Variants in CREB1 observed in about 807,000 individuals in gnomAD.
The protein encoded by CREB1 is cAMP responsive element binding protein 1, also known as cyclic AMP-responsive element-binding protein 1.
Under a neutral mutation model 42.0 loss-of-function variants are expected in CREB1, and 2 were observed. The ratio of observed to expected loss-of-function variants is 0.05; its 90% CI spans 0.02 to 0.15. The LOEUF is 0.15. CREB1 is among the 10% of genes least tolerant of loss of function. The pLI is 1.00. For missense variants in CREB1, 199 were observed against 388.9 expected (o/e 0.51, Z 4.11); for synonymous variants, 123 against 139.9 (o/e 0.88, Z 0.85).
chr2:207,575,143 C>G (rs1273067497), intron 5 of CREB1, 129 bp from the exon 6 acceptor site: 3 of 897,402 alleles, frequency 3.3e-6, no homozygotes, highest in Admixed American at 2.4e-5. Context: ...ATATATTAGA[C>G]CCTTCTTGGT....
chr2:207,530,798 T>G (rs2080582589), intron 1 of CREB1, among the ~76,000 whole-genome samples: 1 of 149,882 alleles, frequency 6.7e-6, no homozygotes. Context: ...TCTCCACTCT[T>G]TGTGCAATAA....
intron 3 of CREB1, among the ~76,000 whole-genome samples, chr2:207,565,579 A>G (rs925347733): frequency 5.9e-5 from 9 of 152,074 alleles, no homozygotes; most frequent in African/African-American, 7.2e-5. Flanking sequence ...TTTCATTTCA[A>G]AACTATCCTG....
chr2:207,532,470 C>T (rs551148927), intron 1 of CREB1, among the ~76,000 whole-genome samples: 12 of 152,038 alleles, frequency 7.9e-5, no homozygotes, highest in South Asian at 2.1e-4. Flanking sequence ...GTCAAGAGAT[C>T]GAGACCATCC....
intron 1 of CREB1, among the ~76,000 whole-genome samples, chr2:207,544,900 C>G (rs1316061733): frequency 2.0e-5 from 3 of 152,176 alleles, no homozygotes; most frequent in African/African-American, 7.2e-5. Flanking sequence ...AGGACATGAT[C>G]TTGTTCTTTA....
chr2:207,594,360 C>T (rs771215500), intron 7 of CREB1, among the ~76,000 whole-genome samples: 10 of 152,086 alleles, frequency 6.6e-5, no homozygotes, highest in Non-Finnish European at 1.2e-4. Context: ...ACTCTGTACC[C>T]GGTAAACAAC....
chr2:207,549,726 G>A (rs958738161), intron 1 of CREB1, among the ~76,000 whole-genome samples: 2 of 152,124 alleles, frequency 1.3e-5, no homozygotes, highest in East Asian at 1.9e-4. Context: ...GCTCACACCT[G>A]TAGTCCCAAC....
At chr2:207,536,998 A>C (rs1166568797) in intron 1 of CREB1, among the ~76,000 whole-genome samples, 1 of 152,084 alleles carries the variant, frequency 6.6e-6, no homozygotes, top group East Asian at 1.9e-4. Context: ...TCATAAATAA[A>C]ATATTACTGT....
At chr2:207,548,642 T>C (rs1164448007) in intron 1 of CREB1, among the ~76,000 whole-genome samples, 1 of 151,968 alleles carries the variant, frequency 6.6e-6, no homozygotes, top group East Asian at 1.9e-4. Flanking sequence ...TCCCAGCTAC[T>C]TGAGAGGCTG....
intron 3 of CREB1, among the ~76,000 whole-genome samples, chr2:207,562,708 T>G (rs189608038): frequency 1.3e-5 from 2 of 152,214 alleles, no homozygotes; most frequent in Non-Finnish European, 2.9e-5. Context: ...TGGTGATTAG[T>G]GTTAACAACT....
chr2:207,561,863 G>T (rs559285950), intron 3 of CREB1, among the ~76,000 whole-genome samples: 2 of 152,046 alleles, frequency 1.3e-5, no homozygotes, highest in Non-Finnish European at 2.9e-5. Context: ...TTGAGTCATC[G>T]AACTTCTATT....
Position 207,599,154 on chromosome 2 carries a change from G to C in CREB1, c.*2096G>C, listed in dbSNP as rs188764041. On this transcript the variant is annotated 3_prime_UTR_variant, in exon 8 of 8. Coordinates refer to ENST00000353267, the MANE Select transcript of CREB1 (RefSeq NM_004379.5). ...GTCTTTATGTTTGGACAGTTCACCA[G>C]ATTCTCAAGAAGGCTTTCAAACAAC... 75 of 196,250 alleles carry C rather than the reference G, an allele frequency of 3.8e-4. 2 individuals carry two copies. The Admixed American group carries it at 4.5e-3, about 12-fold the overall frequency. The allele number at this position is 196,250 out of a possible 1,614,324, so 12.2% of individuals were successfully genotyped here. A position where few individuals can be genotyped will look rare whatever the true frequency, so the allele number is the denominator to read the frequency against.
At chr2:207,552,537 G>A (rs1325678388) in intron 1 of CREB1, among the ~76,000 whole-genome samples, 3 of 150,514 alleles carry the variant, frequency 2.0e-5, no homozygotes, top group South Asian at 2.1e-4. Flanking sequence ...TGATACATTT[G>A]TATTTATCTT....
intron 1 of CREB1, among the ~76,000 whole-genome samples, chr2:207,536,151 A>G (rs181909508): frequency 3.1e-4 from 47 of 152,324 alleles, no homozygotes; most frequent in Admixed American, 2.5e-3. Context: ...GTTTGTATTT[A>G]TCTTTAAAAT....
chr2:207,530,765 C>T (rs1452327448), intron 1 of CREB1, among the ~76,000 whole-genome samples: 1 of 151,868 alleles, frequency 6.6e-6, no homozygotes, highest in Non-Finnish European at 1.5e-5. Flanking sequence ...AGGGGAAGAG[C>T]TGCAACGTCT....
At chr2:207,569,930 A>C in intron 4 of CREB1, among the ~76,000 whole-genome samples, 1 of 149,494 alleles carries the variant, frequency 6.7e-6, no homozygotes, top group Non-Finnish European at 1.5e-5. Context: ...CCGTAGTCCC[A>C]CCTACTCTGG....
At chr2:207,574,109 A>T (rs1470013831) in intron 5 of CREB1, among the ~76,000 whole-genome samples, 1 of 152,212 alleles carries the variant, frequency 6.6e-6, no homozygotes, top group Admixed American at 6.5e-5. Context: ...TGTAGCCATT[A>T]ACTCTTCTTA....
Position 207,551,464 on chromosome 2 carries a change from A to G in CREB1, c.-8-4164A>G, listed in dbSNP as rs545656054. On this transcript the variant is annotated intron_variant, in intron 1 of 7. Transcript: ENST00000353267. ...AGAGCAACATAATAGATAAAAGACA[A>G]TCTCCACTAAGAGCCTTCATTGGGT... Among the ~76,000 whole-genome samples the G allele has an allele frequency of 5.3e-5, 8 of 152,296 alleles. No homozygotes were observed. In the South Asian group the frequency reaches 8.3e-4, roughly 16 times the overall value.
At position 207,533,233 on chromosome 2, in the gene CREB1, A is replaced by G. The variant is rs1389513032; in HGVS notation, c.-9+3099A>G. Among the ~76,000 whole-genome samples, 7 of 152,258 alleles carry G rather than the reference A, an allele frequency of 4.6e-5. No individual in the cohort carries two copies. The East Asian group carries it at 5.8e-4, about 13-fold the overall frequency. ...GAATGATTTTTTTTTTGTTTACATAAAGAGCCTGAAGAAACTTAGACACCT... is the reference window on the plus strand; with the variant it reads ...GAATGATTTTTTTTTTGTTTACATAGAGAGCCTGAAGAAACTTAGACACCT... On this transcript the variant is annotated intron_variant, in intron 1 of 7. Transcript: ENST00000353267.
intron 1 of CREB1, among the ~76,000 whole-genome samples, chr2:207,541,632 G>A (rs1282920321): frequency 3.9e-5 from 6 of 152,096 alleles, no homozygotes; most frequent in African/African-American, 9.7e-5. Flanking sequence ...ACACATGACT[G>A]TATATGTATT....
Sources: gnomAD v4.1 joint callset for allele counts (sites outside exome capture counted in the v4.1 genomes callset) on GRCh38, gnomAD v4.1.1 for gene constraint, MANE v1.5 for transcripts, NCBI Gene and HGNC (gene_info 2026-07-23, HGNC 2026-07-21) for gene names.